The following AKAP9 variants were observed in gnomAD, a reference collection of about 807,000 sequenced individuals.
AKAP9 encodes the protein A-kinase anchor protein 9.
A neutral mutation model predicts 488.5 loss-of-function variants in AKAP9; 311 were observed. That is an observed-to-expected ratio of 0.64 (90% confidence interval 0.58 to 0.70). AKAP9 has a LOEUF of 0.70. AKAP9 is among the 30% of genes least tolerant of loss of function. AKAP9 has a pLI of 0.00. For synonymous variants in AKAP9, 1,462 were observed against 1,483.5 expected (o/e 0.99, Z 0.33); for missense variants, 4,215 against 4,374.5 (o/e 0.96, Z 1.03).
At chr7:92,034,277 G>T (rs1804784521) in intron 16 of AKAP9, among the ~76,000 whole-genome samples, 1 of 152,068 alleles carries the variant, frequency 6.6e-6, no homozygotes, top group Non-Finnish European at 1.5e-5. Context: ...TGCTTGCCCA[G>T]CTGCTACCTC....
At chr7:92,031,363 A>C (rs1804203160) in intron 15 of AKAP9, 149 bp from the exon 16 acceptor site, 6 of 602,822 alleles carry the variant, frequency 1.0e-5, no homozygotes, top group Non-Finnish European at 1.8e-5. Flanking sequence ...ATTATTTTTA[A>C]TTGAGAGAAT....
rs1326055019 is a variant in AKAP9 at position 92,104,268 on chromosome 7, G to A, written c.11331-1410G>A. On this transcript the variant is annotated intron_variant, in intron 46 of 49. Coordinates refer to ENST00000356239, the MANE Select transcript of AKAP9 (RefSeq NM_005751.5). ...TGCAGTGGTGCTATCTCAGCTCACTGCAAGCTCCGCCTCCCGGGTTCATGC... is the reference window on the plus strand; with the variant it reads ...TGCAGTGGTGCTATCTCAGCTCACTACAAGCTCCGCCTCCCGGGTTCATGC... Among the ~76,000 whole-genome samples, 7 of 149,056 alleles carry A rather than the reference G, an allele frequency of 4.7e-5. No homozygotes were observed. The Admixed American group carries it at 4.7e-4, about 10-fold the overall frequency.
rs1816335265 is a variant in AKAP9, at chr7:92,095,098, A to G, written c.9654A>G (p.Arg3218=). 1.2e-6 allele frequency: 2 copies of G among 1,614,196 alleles called. No homozygotes were observed. The highest frequency in any genetic ancestry group is 1.7e-6 in the Non-Finnish European group (2 of 1,180,012). Residue 3218 remains arginine (R), a synonymous_variant, in exon 40 of 50, where the codon AGA becomes AGG. Transcript: ENST00000356239. ...DTLASEQKKS[R]ELQWALEKEK... is the part of the protein sequence containing the mutation. Reference sequence around the variant, plus strand: ...TAGCAAGTGAACAGAAAAAATCAAGAGAGCTCCAGTGGGCTTTGGAGAAAG... The same window carrying G: ...TAGCAAGTGAACAGAAAAAATCAAGGGAGCTCCAGTGGGCTTTGGAGAAAG...
At chr7:92,051,134 C>T (rs1187167909) in intron 21 of AKAP9, among the ~76,000 whole-genome samples, 4 of 152,184 alleles carry the variant, frequency 2.6e-5, no homozygotes, top group African/African-American at 9.7e-5. Flanking sequence ...CCATTTACAA[C>T]TTGAATCCAG....
chr7:92,046,348 C>T (rs1379940574), intron 21 of AKAP9, among the ~76,000 whole-genome samples: 1 of 152,144 alleles, frequency 6.6e-6, no homozygotes, highest in Non-Finnish European at 1.5e-5. Flanking sequence ...AGAGGCAGAC[C>T]TAAAATGCCA....
intron 1 of AKAP9, among the ~76,000 whole-genome samples, chr7:91,968,698 G>A (rs887698859): frequency 6.6e-6 from 1 of 152,048 alleles, no homozygotes; most frequent in African/African-American, 2.4e-5. Flanking sequence ...TTGTTTATTT[G>A]AAGTCTTTCT....
In AKAP9 at chr7:92,045,124, C is replaced by A; in HGVS notation, c.5279C>A (p.Ser1760Tyr). The A allele has an allele frequency of 6.2e-7, 1 of 1,613,498 alleles. No individual in the cohort carries two copies. Among genetic ancestry groups the A allele is most frequent in the Non-Finnish European group, 8.5e-7 (1 of 1,179,874 alleles). The change falls in exon 21 of 50, where the codon TCT becomes TAT. Residue 1760 changes from serine to tyrosine, a missense_variant. This residue lies in a region of AKAP9 where 2,361 missense variants were observed against 2,430.0 expected (regional missense o/e 0.97). Transcript: ENST00000356239. ...GRHVLGILDR[S>Y]SKSQSSASLI... ...CATGTCCTTGGGATTCTAGATAGAT[C>A]TAGTAAAAGCCAGTCATCTGCCAGC...
intron 8 of AKAP9, among the ~76,000 whole-genome samples, chr7:92,010,361 G>A (rs941203219): frequency 6.6e-6 from 1 of 152,212 alleles, no homozygotes. Context: ...TGGGGAGGGT[G>A]ACCAGATAAT....
intron 24 of AKAP9, among the ~76,000 whole-genome samples, chr7:92,064,620 T>C (rs1335768929): frequency 1.3e-5 from 2 of 152,184 alleles, no homozygotes; most frequent in Non-Finnish European, 2.9e-5. Flanking sequence ...TACACCACAC[T>C]ACCTCTCATA....
rs1562997759 is a variant in AKAP9, at chr7:92,022,797, C to T, written c.3953-17C>T. 1 of 1,502,916 alleles carries T rather than the reference C, an allele frequency of 6.7e-7. No homozygotes were observed. Among genetic ancestry groups the T allele is most frequent in the Non-Finnish European group, 9.2e-7 (1 of 1,086,508 alleles). 93.1% of individuals were successfully genotyped at this position (1,502,916 alleles called of 1,614,324 possible). A position where few individuals can be genotyped will look rare whatever the true frequency, so the allele number is the denominator to read the frequency against. ...TTATATTGAAATGTGCATTTTTTGT[C>T]TCTTTATATAACATAGATGTCAATC... On this transcript the variant is annotated splice_polypyrimidine_tract_variant and intron_variant, in intron 13 of 49. Transcript: ENST00000356239.
Position 92,022,274 on chromosome 7 carries a change from T to G in AKAP9, c.3874T>G (p.Phe1292Val). The change falls in exon 13 of 50, where the codon TTT becomes GTT. Residue 1292 changes from phenylalanine (F) to valine (V), a missense_variant. Phe to Val is a conservative substitution (Grantham distance 50, BLOSUM62 -1). Transcript: ENST00000356239. ...GCAGACAGATGGTATGAAACTTGAA[T>G]TTGGAGAAGAAAACCTTCCAAAAGA... is the stretch of plus-strand genomic sequence containing the variant. ...GQQTDGMKLE[F>V]GEENLPKEET... 1.2e-6 allele frequency: 2 copies of G among 1,613,692 alleles called. No individual in the cohort carries two copies. Among genetic ancestry groups the G allele is most frequent in the Non-Finnish European group, 1.7e-6 (2 of 1,179,710 alleles).
rs528336359 is a variant in AKAP9, at chr7:92,074,114, CTATCCATCTGACAAAGGGCTAA to C, written c.6613-2734_6613-2713del. Among the ~76,000 whole-genome samples the C allele has an allele frequency of 7.8e-3, 1,184 of 152,252 alleles. 10 individuals carry two copies. Among genetic ancestry groups the C allele is most frequent in the Middle Eastern group, 0.017 (5 of 294 alleles). On this transcript the variant is annotated intron_variant, in intron 28 of 49. Transcript: ENST00000356239. ...CAGAATGGGAGAAAATTTTTGCAATCTATCCATCTGACAAAGGGCTAATATCCAGAATCTACAAAGAACTTAA... is the reference window on the plus strand; with the variant it reads ...CAGAATGGGAGAAAATTTTTGCAATCTATCCAGAATCTACAAAGAACTTAA...
At chr7:92,038,340 T>A (rs1563027444) in intron 16 of AKAP9, 79 bp from the exon 17 acceptor site, 1 of 1,153,708 alleles carries the variant, frequency 8.7e-7, no homozygotes. Context: ...TTTATACAAT[T>A]TTGAGTACTA....
intron 1 of AKAP9, among the ~76,000 whole-genome samples, chr7:91,947,952 C>G (rs1444543164): frequency 1.3e-5 from 2 of 152,196 alleles, no homozygotes; most frequent in African/African-American, 4.8e-5. Flanking sequence ...AGCAGATATT[C>G]TTCATTGCTT....
chr7:92,032,467 G>C (rs1804422777), intron 16 of AKAP9, among the ~76,000 whole-genome samples: 1 of 147,110 alleles, frequency 6.8e-6, no homozygotes, highest in African/African-American at 2.6e-5. Context: ...TTGTACTCCA[G>C]CTTGGCCAAC....
chr7:92,070,282 T>A, intron 27 of AKAP9, 76 bp downstream of exon 27: 1 of 1,378,394 alleles, frequency 7.3e-7, no homozygotes. Context: ...TTCTTGTAGG[T>A]ATTATTACAT....
rs1037309802 is a variant in AKAP9 at position 92,095,037 on chromosome 7, A to G, written c.9593A>G (p.Asp3198Gly). ...TTCTGACTTAGGTTGGAAGTTAAAGATAAGACAGATGAAGTACATTTGCTT... is the reference window on the plus strand; with the variant it reads ...TTCTGACTTAGGTTGGAAGTTAAAGGTAAGACAGATGAAGTACATTTGCTT... ...ELEAFRLEVK[D>G]KTDEVHLLND... is the part of the protein sequence containing the mutation. Residue 3198 changes from aspartate to glycine, a missense_variant, in exon 40 of 50, where the codon GAT becomes GGT. By Grantham distance (94) the Asp-to-Gly change is moderately conservative (BLOSUM62 -1). Coordinates refer to ENST00000356239, the MANE Select transcript of AKAP9 (RefSeq NM_005751.5). 2.5e-6 allele frequency: 4 copies of G among 1,613,974 alleles called. No individual in the cohort carries two copies. Among genetic ancestry groups the G allele is most frequent in the African/African-American group, 2.7e-5 (2 of 74,938 alleles).
At chr7:92,047,713 C>T (rs940948031) in intron 21 of AKAP9, among the ~76,000 whole-genome samples, 1 of 152,052 alleles carries the variant, frequency 6.6e-6, no homozygotes, top group African/African-American at 2.4e-5. Flanking sequence ...CAACTAAAAC[C>T]TTTAAAATTT....
rs968476040 is a variant in AKAP9 at position 91,991,008 on chromosome 7, C to T, written c.352-1150C>T. ...GTGGATCTACACCATATACTCTGTCCATCTCATGTTCATTTAGTAGCTGTC... is the reference window on the plus strand; with the variant it reads ...GTGGATCTACACCATATACTCTGTCTATCTCATGTTCATTTAGTAGCTGTC... On this transcript the variant is annotated intron_variant, in intron 3 of 49. Coordinates refer to ENST00000356239, the MANE Select transcript of AKAP9 (RefSeq NM_005751.5). 2.0e-5 allele frequency among the ~76,000 whole-genome samples: 3 copies of T among 152,134 alleles called. No individual in the cohort carries two copies. The East Asian group carries it at 5.8e-4, about 29-fold the overall frequency.
Sources: gnomAD v4.1 joint callset for allele counts (sites outside exome capture counted in the v4.1 genomes callset) on GRCh38, gnomAD v4.1.1 for gene constraint, gnomAD v4.1.1 regional missense constraint, MANE v1.5 for transcripts, NCBI Gene and HGNC (gene_info 2026-07-23, HGNC 2026-07-21) for gene names.